The following TMEM108 variants were observed in gnomAD, a reference collection of about 807,000 sequenced individuals.
The protein encoded by TMEM108 is transmembrane protein 108, also known as cancer/testis antigen 124.
Under a neutral mutation model 35.1 loss-of-function variants are expected in TMEM108, and 12 were observed. The ratio of observed to expected loss-of-function variants is 0.34; its 90% confidence interval spans 0.22 to 0.55. TMEM108 has a LOEUF of 0.55. TMEM108 is among the 20% of genes least tolerant of loss of function. The pLI, the probability that TMEM108 is intolerant of heterozygous loss-of-function variation, is 0.89. For missense variants in TMEM108, 680 were observed against 753.3 expected (o/e 0.90, Z 1.14); for synonymous variants, 287 against 308.6 (o/e 0.93, Z 0.73).
intron 3 of TMEM108, among the ~76,000 whole-genome samples, chr3:133,261,704 C>T (rs555556285): frequency 6.6e-6 from 1 of 152,272 alleles, no homozygotes; most frequent in South Asian, 2.1e-4. Flanking sequence ...GTTTGAAGCC[C>T]AAACATTTTA....
At chr3:133,104,626 C>T (rs1944127565) in intron 2 of TMEM108, among the ~76,000 whole-genome samples, 1 of 152,170 alleles carries the variant, frequency 6.6e-6, no homozygotes, top group Admixed American at 6.5e-5. Context: ...GTGTGCACAG[C>T]TGGAAGTTTT....
At chr3:133,112,986 A>G (rs1944244295) in intron 2 of TMEM108, among the ~76,000 whole-genome samples, 2 of 152,226 alleles carry the variant, frequency 1.3e-5, no homozygotes, top group African/African-American at 4.8e-5. Context: ...CACTGTTAAT[A>G]TGGTTAAATG....
At chr3:133,134,597 AATT>A (rs1382407691) in intron 2 of TMEM108, among the ~76,000 whole-genome samples, 3 of 151,378 alleles carry the variant, frequency 2.0e-5, no homozygotes, top group Admixed American at 6.6e-5. Context: ...TTTTTTTTTA[AATT>A]ATTATTATTT....
intron 3 of TMEM108, among the ~76,000 whole-genome samples, chr3:133,306,908 A>G (rs992618267): frequency 6.6e-6 from 1 of 152,118 alleles, no homozygotes; most frequent in African/African-American, 2.4e-5. Flanking sequence ...CGCTGGGTCA[A>G]ATGGTATTTC....
intron 3 of TMEM108, among the ~76,000 whole-genome samples, chr3:133,311,906 C>G (rs1307407408): frequency 6.6e-6 from 1 of 152,174 alleles, no homozygotes; most frequent in Non-Finnish European, 1.5e-5. Flanking sequence ...GTGTGGATGT[C>G]CTTTTTGTTG....
chr3:133,063,953 A>T (rs756482853), intron 2 of TMEM108, among the ~76,000 whole-genome samples: 13 of 152,242 alleles, frequency 8.5e-5, no homozygotes, highest in Non-Finnish European at 1.9e-4. Context: ...CACGTATTTC[A>T]CCACATAGAC....
chr3:133,228,536 A>G (rs1946107565), intron 2 of TMEM108, among the ~76,000 whole-genome samples: 1 of 152,178 alleles, frequency 6.6e-6, no homozygotes, highest in South Asian at 2.1e-4. Context: ...TTAAAGAAAC[A>G]CATTTGCCAT....
intron 3 of TMEM108, among the ~76,000 whole-genome samples, chr3:133,353,659 A>G (rs919668591): frequency 1.3e-5 from 2 of 152,212 alleles, no homozygotes; most frequent in Admixed American, 6.5e-5. Context: ...ACTGGCAAAG[A>G]AAGTCCTGGA....
chr3:133,105,871 C>G (rs1944143816), intron 2 of TMEM108, among the ~76,000 whole-genome samples: 1 of 152,144 alleles, frequency 6.6e-6, no homozygotes, highest in African/African-American at 2.4e-5. Flanking sequence ...ATATTTTTCT[C>G]TGTTATAGCC....
chr3:133,222,171 A>T (rs1204326693), intron 2 of TMEM108, among the ~76,000 whole-genome samples: 3 of 152,056 alleles, frequency 2.0e-5, no homozygotes, highest in Non-Finnish European at 4.4e-5. Context: ...TTTCAGAAGG[A>T]CAGCTTTGCT....
chr3:133,253,126 G>A (rs749967019), intron 3 of TMEM108, among the ~76,000 whole-genome samples: 14 of 152,128 alleles, frequency 9.2e-5, no homozygotes, highest in Non-Finnish European at 2.1e-4. Context: ...TTCTTCAGGG[G>A]TCCTGGGACC....
intron 3 of TMEM108, among the ~76,000 whole-genome samples, chr3:133,281,265 G>A (rs1189385085): frequency 1.3e-5 from 2 of 152,166 alleles, no homozygotes; most frequent in African/African-American, 4.8e-5. Flanking sequence ...ATCAAAGCGG[G>A]AAAATGAGAG....
intron 2 of TMEM108, among the ~76,000 whole-genome samples, chr3:133,161,582 C>G (rs568028886): frequency 2.0e-5 from 3 of 151,528 alleles, no homozygotes; most frequent in South Asian, 2.1e-4. Flanking sequence ...TAGATAAAAA[C>G]AAAAATGTGA....
chr3:133,373,715 G>C (rs1259159178), intron 3 of TMEM108, among the ~76,000 whole-genome samples: 1 of 152,228 alleles, frequency 6.6e-6, no homozygotes, highest in Non-Finnish European at 1.5e-5. Flanking sequence ...CTGATGGTCA[G>C]ACTTAGTGTG....
intron 2 of TMEM108, among the ~76,000 whole-genome samples, chr3:133,107,414 C>T (rs1030641668): frequency 6.0e-5 from 9 of 149,976 alleles, no homozygotes; most frequent in African/African-American, 2.2e-4. Context: ...AAGAGTATGC[C>T]GAGGCAAATC....
At chr3:133,100,882 C>T (rs1224424465) in intron 2 of TMEM108, among the ~76,000 whole-genome samples, 2 of 152,166 alleles carry the variant, frequency 1.3e-5, no homozygotes, top group Non-Finnish European at 2.9e-5. Flanking sequence ...TAACTGTAAT[C>T]ATTGTGAATC....
chr3:133,148,424 G>T (rs1453608262), intron 2 of TMEM108, among the ~76,000 whole-genome samples: 2 of 152,122 alleles, frequency 1.3e-5, no homozygotes, highest in African/African-American at 4.8e-5. Context: ...TGGTTTTGTT[G>T]TGGTAGTATT....
At chr3:133,266,964 C>T (rs773730311) in intron 3 of TMEM108, among the ~76,000 whole-genome samples, 32 of 150,686 alleles carry the variant, frequency 2.1e-4, no homozygotes, top group Admixed American at 7.3e-4. Flanking sequence ...CCTGTAGACC[C>T]AGCTACTCGG....
intron 2 of TMEM108, among the ~76,000 whole-genome samples, chr3:133,195,790 G>A (rs925524679): frequency 6.6e-6 from 1 of 152,148 alleles, no homozygotes; most frequent in East Asian, 1.9e-4. Context: ...CTAATAAAGT[G>A]GGAAAATGAG....
Sources: gnomAD v4.1 joint callset for allele counts (sites outside exome capture counted in the v4.1 genomes callset) on GRCh38, gnomAD v4.1.1 for gene constraint, MANE v1.5 for transcripts, NCBI Gene and HGNC (gene_info 2026-07-23, HGNC 2026-07-21) for gene names.